Variants in ST3GAL3 observed in about 807,000 individuals in gnomAD.
ST3GAL3 encodes CMP-N-acetylneuraminate-beta-1,4-galactoside alpha-2,3-sialyltransferase.
A neutral mutation model predicts 50.1 loss-of-function variants in ST3GAL3; 21 were observed. The ratio of observed to expected loss-of-function variants is 0.42; its 90% confidence interval spans 0.30 to 0.60. The LOEUF (loss-of-function observed/expected upper bound fraction) is 0.60. ST3GAL3 is among the 20% of genes least tolerant of loss of function. ST3GAL3 has a pLI of 0.19. For synonymous variants in ST3GAL3, 183 were observed against 190.0 expected (o/e 0.96, Z 0.30); for missense variants, 353 against 489.4 (o/e 0.72, Z 2.63).
intron 3 of ST3GAL3, among the ~76,000 whole-genome samples, chr1:43,804,924 C>T (rs1280384415): frequency 6.6e-6 from 1 of 152,186 alleles, no homozygotes; most frequent in African/African-American, 2.4e-5. Context: ...TCTCAGGGCA[C>T]TTACTAGGCT....
intron 5 of ST3GAL3, among the ~76,000 whole-genome samples, chr1:43,890,987 G>A (rs911784505): frequency 6.6e-6 from 1 of 152,180 alleles, no homozygotes; most frequent in Non-Finnish European, 1.5e-5. Flanking sequence ...ATATGTGTAT[G>A]TCCTAGTTTT....
chr1:43,856,292 A>G (rs959399551), intron 5 of ST3GAL3, among the ~76,000 whole-genome samples: 1 of 152,254 alleles, frequency 6.6e-6, no homozygotes, highest in Non-Finnish European at 1.5e-5. Flanking sequence ...ATGCACTTTT[A>G]TGGAGTCAAA....
At chr1:43,794,166 A>G (rs1013945097) in intron 3 of ST3GAL3, among the ~76,000 whole-genome samples, 2 of 152,166 alleles carry the variant, frequency 1.3e-5, no homozygotes, top group African/African-American at 4.8e-5. Flanking sequence ...TACAACACAA[A>G]TAATCAACAA....
intron 2 of ST3GAL3, 53 bp from the exon 3 acceptor site, chr1:43,792,049 G>T: frequency 6.2e-7 from 1 of 1,611,448 alleles, no homozygotes; most frequent in South Asian, 1.1e-5. Context: ...GTGGGAGCTT[G>T]CTTTTTTATT....
intron 1 of ST3GAL3, among the ~76,000 whole-genome samples, chr1:43,710,630 T>C (rs1481825062): frequency 6.6e-6 from 1 of 152,264 alleles, no homozygotes; most frequent in African/African-American, 2.4e-5. Flanking sequence ...TTCTGTTATA[T>C]TTTCCAGGTC....
intron 2 of ST3GAL3, among the ~76,000 whole-genome samples, chr1:43,766,908 G>A (rs965659340): frequency 3.3e-5 from 5 of 152,262 alleles, no homozygotes; most frequent in Non-Finnish European, 7.4e-5. Context: ...GAATGAATAA[G>A]ATGAGAAGTG....
At chr1:43,903,001 A>T (rs1558802540) in intron 9 of ST3GAL3, among the ~76,000 whole-genome samples, 1 of 152,200 alleles carries the variant, frequency 6.6e-6, no homozygotes, top group African/African-American at 2.4e-5. Context: ...GCTCTGGGGC[A>T]GGTGGGGGAC....
chr1:43,906,031 A>C (rs1350096099), intron 9 of ST3GAL3, among the ~76,000 whole-genome samples: 25 of 37,890 alleles, frequency 6.6e-4, no homozygotes, highest in African/African-American at 8.5e-4. Flanking sequence ...TCTTCCCGCC[A>C]CTCTTCCTCC....
chr1:43,771,115 C>T (rs1037563587), intron 2 of ST3GAL3, among the ~76,000 whole-genome samples: 25 of 152,192 alleles, frequency 1.6e-4, no homozygotes, highest in Admixed American at 2.6e-4. Flanking sequence ...CATCAGTTAT[C>T]CCCTTCTTTT....
At chr1:43,873,709 C>T (rs530454690) in intron 5 of ST3GAL3, among the ~76,000 whole-genome samples, 292 of 152,082 alleles carry the variant, frequency 1.9e-3, no homozygotes, top group Non-Finnish European at 3.3e-3. Context: ...CTCTTGAACC[C>T]GGGAGGCAGA....
intron 9 of ST3GAL3, among the ~76,000 whole-genome samples, chr1:43,918,074 T>C (rs184615118): frequency 2.0e-5 from 3 of 151,822 alleles, no homozygotes; most frequent in East Asian, 3.9e-4. Context: ...CATTAATGTA[T>C]AGATAATTAA....
At chr1:43,909,717 CAAAA>C (rs1172118646) in intron 9 of ST3GAL3, among the ~76,000 whole-genome samples, 1 of 152,154 alleles carries the variant, frequency 6.6e-6, no homozygotes, top group Non-Finnish European at 1.5e-5. Flanking sequence ...CAAGTTAACA[CAAAA>C]AGACTGCCGC....
At chr1:43,739,797 C>T (rs1336491106) in intron 2 of ST3GAL3, among the ~76,000 whole-genome samples, 1 of 151,984 alleles carries the variant, frequency 6.6e-6, no homozygotes, top group Non-Finnish European at 1.5e-5. Context: ...ACTGCTTTGT[C>T]TTGGGTAGTT....
chr1:43,884,472 T>G (rs2075659811), intron 5 of ST3GAL3, among the ~76,000 whole-genome samples: 1 of 152,232 alleles, frequency 6.6e-6, no homozygotes, highest in Non-Finnish European at 1.5e-5. Flanking sequence ...AGGCTCTTCC[T>G]GTGCATGGCC....
chr1:43,845,755 C>T (rs544015980), intron 5 of ST3GAL3, among the ~76,000 whole-genome samples: 1 of 149,446 alleles, frequency 6.7e-6, no homozygotes, highest in South Asian at 2.1e-4. Flanking sequence ...TTATTTATTT[C>T]TCATATAAAC....
chr1:43,833,057 G>A (rs1319991885), intron 4 of ST3GAL3, among the ~76,000 whole-genome samples: 6 of 152,166 alleles, frequency 3.9e-5, no homozygotes, highest in South Asian at 2.1e-4. Context: ...CACATGAAAC[G>A]AGGGAGCAGG....
At chr1:43,838,459 A>G (rs2064805094) in intron 5 of ST3GAL3, 148 bp downstream of exon 5, 2 of 746,222 alleles carry the variant, frequency 2.7e-6, no homozygotes, top group African/African-American at 3.5e-5. Flanking sequence ...GTTGGTTCCT[A>G]CTCCAGTCCT....
At chr1:43,909,351 T>C (rs2080386150) in intron 9 of ST3GAL3, among the ~76,000 whole-genome samples, 1 of 152,230 alleles carries the variant, frequency 6.6e-6, no homozygotes, top group African/African-American at 2.4e-5. Flanking sequence ...CTCTTTCCTC[T>C]TAGCCATGTT....
intron 9 of ST3GAL3, among the ~76,000 whole-genome samples, chr1:43,903,632 T>C (rs745688790): frequency 5.3e-5 from 8 of 152,146 alleles, no homozygotes; most frequent in Non-Finnish European, 7.4e-5. Flanking sequence ...GACACAGCAC[T>C]TACCCTCCAG....
Sources: allele counts gnomAD v4.1 joint callset (sites outside exome capture counted in the v4.1 genomes callset), GRCh38; gene constraint gnomAD v4.1.1; transcripts MANE v1.5; gene names NCBI Gene and HGNC (gene_info 2026-07-23, HGNC 2026-07-21).